The following CYREN variants were observed in gnomAD, a reference collection of about 807,000 sequenced individuals.
CYREN encodes cell cycle regulator of non-homologous end joining.
Under a neutral mutation model 9.7 loss-of-function variants are expected in CYREN, and 7 were observed. The ratio of observed to expected loss-of-function variants is 0.72; its 90% CI spans 0.41 to 1.36. CYREN has a LOEUF of 1.36. Ranked by LOEUF, CYREN falls within the 40% of genes most tolerant of loss-of-function variation. CYREN has a pLI of 0.01. For missense variants in CYREN, 215 were observed against 198.1 expected, an observed-to-expected ratio of 1.09 and a Z score of -0.51; for synonymous variants, 76 against 77.9, an observed-to-expected ratio of 0.98 and a Z score of 0.13.
At chr7:135,110,572 C>A (rs532420012) in intron 2 of CYREN, among the ~76,000 whole-genome samples, 21 of 152,264 alleles carry the variant, frequency 1.4e-4, no homozygotes, top group African/African-American at 5.1e-4. Context: ...CTGACTCACC[C>A]CTTCCTTGGG....
At chr7:135,129,367 C>A (rs2117321226) in intron 2 of CYREN, 3 of 891,722 alleles carry the variant, frequency 3.4e-6, no homozygotes, top group Middle Eastern at 2.9e-4. Flanking sequence ...TACCTGCAAG[C>A]AGATAAGGCC....
chr7:135,128,756 A>G (rs1214780128), intron 2 of CYREN: 3 of 1,356,120 alleles, frequency 2.2e-6, no homozygotes, highest in African/African-American at 2.9e-5. Context: ...GCCTCTCCCA[A>G]CACAGAGCTA....
rs1828383647 is a variant in CYREN, at chr7:135,129,232, C to T, written n.357-34650G>A. On this transcript the variant is annotated intron_variant and non_coding_transcript_variant, in intron 2 of 2. Coordinates refer to the CYREN transcript ENST00000459937. ...TGCCAGCTGCCTGTGATGCAGGAGC[C>T]TGGCTACATCATGGGTATCTGCTCC... 2.7e-6 allele frequency: 4 copies of T among 1,473,582 alleles called. No homozygotes were observed. In the South Asian group the frequency reaches 3.4e-5, roughly 13 times the overall value. The allele number at this position is 1,473,582 out of a possible 1,614,324, so 91.3% of individuals were successfully genotyped here.
At chr7:135,167,378 T>C in intron 3 of CYREN, 1 of 1,118,750 alleles carries the variant, frequency 8.9e-7, no homozygotes, top group Non-Finnish European at 1.1e-6. Context: ...AGAGGGGCAA[T>C]GGCTAAGAAG....
intron 2 of CYREN, chr7:135,101,209 C>T (rs1470212001): frequency 2.2e-6 from 1 of 456,130 alleles, no homozygotes; most frequent in Non-Finnish European, 4.4e-6. Flanking sequence ...TTCAAAGTGA[C>T]ATCCCTGCAG....
intron 2 of CYREN, chr7:135,129,091 C>G: frequency 1.3e-6 from 2 of 1,597,636 alleles, no homozygotes; most frequent in Non-Finnish European, 1.7e-6. Context: ...TCAGTGGCCA[C>G]TACTGGTCAG....
At chr7:135,094,674 A>G (rs962067873) in intron 2 of CYREN, 1 of 368,040 alleles carries the variant, frequency 2.7e-6, no homozygotes, top group East Asian at 7.3e-5. Flanking sequence ...TTAACTCTAA[A>G]AGGAGAAAAT....
intron 1 of CYREN, among the ~76,000 whole-genome samples, chr7:135,170,094 G>A (rs148227105): frequency 0.016 from 2,481 of 152,358 alleles, 32 homozygotes; most frequent in Non-Finnish European, 0.022. Context: ...CGCAAACGAG[G>A]AACTGAGACT....
intron 2 of CYREN, among the ~76,000 whole-genome samples, chr7:135,114,929 C>T (rs1179719478): frequency 3.3e-5 from 5 of 152,170 alleles, no homozygotes; most frequent in Non-Finnish European, 5.9e-5. Flanking sequence ...ATGTTACCTA[C>T]CTAAATTTAC....
chr7:135,128,648 A>C (rs1271421040), intron 2 of CYREN: 94 of 967,954 alleles, frequency 9.7e-5, no homozygotes, highest in South Asian at 7.9e-4. Context: ...CCTGGATGCA[A>C]TTTCTTAAGG....
chr7:135,134,722 C>T (rs1298500136), intron 2 of CYREN: 18 of 965,496 alleles, frequency 1.9e-5, no homozygotes, highest in Non-Finnish European at 2.7e-5. Flanking sequence ...AATTCTTAAA[C>T]TTTAAGAAGT....
intron 2 of CYREN, among the ~76,000 whole-genome samples, chr7:135,135,944 A>G (rs1304343120): frequency 6.6e-6 from 1 of 152,116 alleles, no homozygotes; most frequent in Non-Finnish European, 1.5e-5. Flanking sequence ...GTAAAGATGT[A>G]CAGTTTCCTT....
rs1007270802 is a variant in CYREN at position 135,147,907 on chromosome 7, C to A, written n.356+20842G>T. On this transcript the variant is annotated intron_variant and non_coding_transcript_variant, in intron 2 of 2. Coordinates refer to the CYREN transcript ENST00000459937. ...AAGACATTTACCTGGCTCTTTAAAT[C>A]AGTTGGTTTGCCGGCTACAGTGTAG... 3 of 455,868 alleles carry A rather than the reference C, an allele frequency of 6.6e-6. No individual in the cohort carries two copies. The East Asian group carries it at 2.1e-4, about 32-fold the overall frequency. The allele number at this position is 455,868 out of a possible 1,614,324, so 28.2% of individuals were successfully genotyped here.
intron 3 of CYREN, 43 bp from the exon 4 acceptor site, chr7:135,166,914 T>C (rs1279822141): frequency 6.3e-7 from 1 of 1,595,036 alleles, no homozygotes; most frequent in Admixed American, 1.7e-5. Context: ...ACGTGTTTTA[T>C]TTCCCTAACA....
intron 2 of CYREN, among the ~76,000 whole-genome samples, chr7:135,139,735 A>G (rs1349492112): frequency 1.3e-5 from 2 of 151,832 alleles, no homozygotes; most frequent in Non-Finnish European, 2.9e-5. Flanking sequence ...ATCCATCTTG[A>G]GTTGATTTTT....
Position 135,167,764 on chromosome 7 carries a change from T to C in CYREN, c.181A>G (p.Ile61Val). ...AGGATTCCCAGAGCAACATCAACTATCTCAGCCTCATTCATGCAGTACACA... is the reference window on the plus strand; with the variant it reads ...AGGATTCCCAGAGCAACATCAACTACCTCAGCCTCATTCATGCAGTACACA... ...RTVYCMNEAE[I>V]VDVALGILIE... is the part of the protein sequence containing the mutation. The change falls in exon 3 of 4, where the codon ATA becomes GTA. Residue 61 changes from isoleucine (I) to valine (V), a missense_variant. By Grantham distance (29) the Ile-to-Val change is conservative. Coordinates refer to ENST00000393114, the MANE Select transcript of CYREN (RefSeq NM_024033.4). 6.2e-7 allele frequency: 1 copy of C among 1,614,080 alleles called. No individual in the cohort carries two copies.
intron 2 of CYREN, among the ~76,000 whole-genome samples, chr7:135,153,372 T>C (rs904694425): frequency 2.1e-5 from 3 of 144,112 alleles, no homozygotes; most frequent in Admixed American, 1.5e-4. Flanking sequence ...AAGAATTGCT[T>C]GAACCTGGGA....
intron 2 of CYREN, among the ~76,000 whole-genome samples, chr7:135,098,195 G>A (rs887869250): frequency 6.6e-6 from 1 of 152,142 alleles, no homozygotes. Context: ...TTGCTAATAA[G>A]TAAAGTCTAA....
Position 135,166,615 on chromosome 7 carries a change from C to A in CYREN, c.470G>T (p.Ser157Ile). The change falls in exon 4 of 4, where the codon AGC becomes ATC. Residue 157 changes from serine (S) to isoleucine (I), a missense_variant. Transcript: ENST00000393114. ...VLKYVREIFF[S>I] Reference sequence around the variant, plus strand: ...GTTCAGTGCACAGTTTATGCCCTAGCTGAAAAAGATCTCCCGGACGTATTT... The same window carrying A: ...GTTCAGTGCACAGTTTATGCCCTAGATGAAAAAGATCTCCCGGACGTATTT... The A allele has an allele frequency of 6.3e-7, 1 of 1,591,968 alleles. No individual in the cohort carries two copies.
Sources: gnomAD v4.1 joint callset for allele counts (sites outside exome capture counted in the v4.1 genomes callset) on GRCh38, gnomAD v4.1.1 for gene constraint, MANE v1.5 for transcripts, NCBI Gene and HGNC (gene_info 2026-07-23, HGNC 2026-07-21) for gene names.